The following ARHGAP10 variants were observed in gnomAD, a reference collection of about 807,000 sequenced individuals.
ARHGAP10 encodes Rho GTPase activating protein 10, also known as rho GTPase-activating protein 10.
Under a neutral mutation model 108.6 loss-of-function variants are expected in ARHGAP10, and 87 were observed. The ratio of observed to expected loss-of-function variants is 0.80; its 90% CI spans 0.67 to 0.96. The LOEUF (loss-of-function observed/expected upper bound fraction) is 0.96. Ranked by LOEUF, ARHGAP10 falls within the 40% of genes least tolerant of loss-of-function variation. The pLI, the probability that ARHGAP10 is intolerant of heterozygous loss-of-function variation, is 0.00. For synonymous variants in ARHGAP10, 347 were observed against 341.1 expected, an observed-to-expected ratio of 1.02 and a Z score of -0.19; for missense variants, 939 against 954.5, an observed-to-expected ratio of 0.98 and a Z score of 0.21.
chr4:147,944,976 G>A (rs908582740), intron 14 of ARHGAP10, among the ~76,000 whole-genome samples: 15 of 152,148 alleles, frequency 9.9e-5, no homozygotes, highest in Non-Finnish European at 7.4e-5. Flanking sequence ...TTGCCTTGAT[G>A]CTCTCAATCG....
chr4:147,773,092 T>G (rs13134018), intron 1 of ARHGAP10, among the ~76,000 whole-genome samples: 1 of 152,212 alleles, frequency 6.6e-6, no homozygotes, highest in South Asian at 2.1e-4. Flanking sequence ...AGTTTTTTCT[T>G]TGTTGGTAGA....
In ARHGAP10 at chr4:148,007,981, C is replaced by G. The variant is rs572831944; in HGVS notation, c.1717-15282C>G. On this transcript the variant is annotated intron_variant, in intron 18 of 22. Transcript: ENST00000336498. ...CCTAGCATGTCCCAGTCAATCAGGA[C>G]TGCAGTTGGGTTAGCATCTTCCTCC... Among the ~76,000 whole-genome samples, 3 of 152,314 alleles carry G rather than the reference C, an allele frequency of 2.0e-5. No homozygotes were observed. In the East Asian group the frequency reaches 5.8e-4, roughly 29 times the overall value.
chr4:147,969,324 C>CTTTT lies in ARHGAP10; in HGVS notation c.1716+2503_1716+2506dup, dbSNP rs61078731. On this transcript the variant is annotated intron_variant, in intron 18 of 22. Transcript: ENST00000336498. Reference sequence around the variant, plus strand: ...ATGGATGTGAGAAGTTTTGTTTTGCCTTTTTTTTTTTTTTTTTTTTTGCCA... The same window carrying CTTTT: ...ATGGATGTGAGAAGTTTTGTTTTGCCTTTTTTTTTTTTTTTTTTTTTTTTTGCCA... 8.5e-5 allele frequency among the ~76,000 whole-genome samples: 8 copies of CTTTT among 93,828 alleles called. 1 individual carries two copies. Among genetic ancestry groups the CTTTT allele is most frequent in the Admixed American group, 2.1e-4 (2 of 9,462 alleles). The allele number at this position is 93,828 out of a possible 152,430, so 61.6% of individuals were successfully genotyped here.
At position 147,955,386 on chromosome 4, in the gene ARHGAP10, G is replaced by T; in HGVS notation, c.1450+12G>T. 6.2e-7 allele frequency: 1 copy of T among 1,606,656 alleles called. No homozygotes were observed. Among genetic ancestry groups the T allele is most frequent in the Non-Finnish European group, 8.5e-7 (1 of 1,174,288 alleles). On this transcript the variant is annotated intron_variant, in intron 16 of 22. Coordinates refer to ENST00000336498, the MANE Select transcript of ARHGAP10 (RefSeq NM_024605.4). ...CATTGTTCCAGCCAGTAAGTATTAT[G>T]TAAAGGTATATAGGAACAGTTTTGT...
At chr4:147,747,322 T>C (rs148952950) in intron 1 of ARHGAP10, among the ~76,000 whole-genome samples, 1 of 152,328 alleles carries the variant, frequency 6.6e-6, no homozygotes, top group Non-Finnish European at 1.5e-5. Flanking sequence ...AGAGGAGGAA[T>C]AGAAATTGTA....
intron 21 of ARHGAP10, among the ~76,000 whole-genome samples, chr4:148,063,788 C>A (rs1362939967): frequency 6.6e-6 from 1 of 152,156 alleles, no homozygotes; most frequent in Non-Finnish European, 1.5e-5. Context: ...GAGGCGTTTC[C>A]TTTGGATTTG....
intron 1 of ARHGAP10, among the ~76,000 whole-genome samples, chr4:147,781,390 C>G (rs536625590): frequency 1.3e-5 from 2 of 152,086 alleles, no homozygotes; most frequent in Non-Finnish European, 2.9e-5. Context: ...TTGGGCTGGA[C>G]CTGGCAAGCC....
At position 148,072,227 on chromosome 4, in the gene ARHGAP10, T is replaced by TG. The variant is rs1303827031; in HGVS notation, c.*152dup. 12 of 339,538 alleles carry TG rather than the reference T, an allele frequency of 3.5e-5. No individual in the cohort carries two copies. Among genetic ancestry groups the TG allele is most frequent in the African/African-American group, 2.1e-4 (9 of 43,420 alleles). The allele number at this position is 339,538 out of a possible 1,614,324, so 21.0% of individuals were successfully genotyped here. ...CCATCATCACAGTCAGCCCTGGGGG[T>TG]GGGGGGTGGTGGGCAGGGATGGGAC... On this transcript the variant is annotated 3_prime_UTR_variant, in exon 23 of 23. Coordinates refer to ENST00000336498, the MANE Select transcript of ARHGAP10 (RefSeq NM_024605.4).
chr4:148,024,701 A>G (rs1021028173), intron 19 of ARHGAP10, among the ~76,000 whole-genome samples: 1 of 152,238 alleles, frequency 6.6e-6, no homozygotes, highest in Non-Finnish European at 1.5e-5. Flanking sequence ...TTAGACACTC[A>G]TTTCAACTTC....
At chr4:147,864,661 T>C in intron 5 of ARHGAP10, 185 bp from the exon 6 acceptor site, 1 of 530,502 alleles carries the variant, frequency 1.9e-6, no homozygotes, top group East Asian at 3.3e-5. Context: ...AATTCTGCTG[T>C]TGCAGCAGGA....
chr4:147,981,894 T>A (rs865891092), intron 18 of ARHGAP10, among the ~76,000 whole-genome samples: 2 of 152,240 alleles, frequency 1.3e-5, no homozygotes, highest in African/African-American at 2.4e-5. Context: ...TCTGCTCTTT[T>A]TCGATTCCAT....
intron 9 of ARHGAP10, 64 bp downstream of exon 9, chr4:147,879,402 T>C: frequency 7.4e-7 from 1 of 1,357,656 alleles, no homozygotes. Flanking sequence ...GAGGGTGTCA[T>C]TTTAATGGTT....
chr4:147,837,649 T>TTTTTTTTTTTGTTTTTTTG (rs1560783270), intron 3 of ARHGAP10, among the ~76,000 whole-genome samples: 1 of 132,134 alleles, frequency 7.6e-6, no homozygotes, highest in African/African-American at 2.6e-5. Context: ...CACTGTTTTT[T>TTTTTTTTTTTGTTTTTTTG]TTTTTTTTTT....
At chr4:148,008,490 G>A (rs1578785541) in intron 18 of ARHGAP10, among the ~76,000 whole-genome samples, 2 of 151,244 alleles carry the variant, frequency 1.3e-5, no homozygotes, top group East Asian at 3.9e-4. Context: ...TGGTACTGCT[G>A]GTATGTATCT....
chr4:148,021,292 A>T (rs761689106), intron 18 of ARHGAP10, among the ~76,000 whole-genome samples: 2 of 152,082 alleles, frequency 1.3e-5, no homozygotes, highest in Non-Finnish European at 2.9e-5. Context: ...CAACACCCTC[A>T]CTTCAAACTG....
At chr4:147,804,600 CATTAG>C (rs561937311) in intron 1 of ARHGAP10, among the ~76,000 whole-genome samples, 66 of 152,266 alleles carry the variant, frequency 4.3e-4, no homozygotes, top group Non-Finnish European at 7.9e-4. Context: ...TTTATATTTC[CATTAG>C]CAGTGTATAA....
intron 1 of ARHGAP10, among the ~76,000 whole-genome samples, chr4:147,777,840 C>T (rs1730359494): frequency 6.6e-6 from 1 of 151,944 alleles, no homozygotes; most frequent in Admixed American, 6.5e-5. Context: ...CTTATTGTGC[C>T]ATCAATTTTG....
intron 7 of ARHGAP10, among the ~76,000 whole-genome samples, chr4:147,872,099 CAAAA>C (rs36205660): frequency 1.6e-4 from 11 of 70,012 alleles, no homozygotes; most frequent in Admixed American, 1.5e-4. Flanking sequence ...GAGACTCGGT[CAAAA>C]AAAAAAAAAA....
chr4:147,873,941 C>A (rs914954043), intron 7 of ARHGAP10, among the ~76,000 whole-genome samples: 4 of 151,428 alleles, frequency 2.6e-5, no homozygotes, highest in African/African-American at 9.7e-5. Flanking sequence ...ACCTAGCCGT[C>A]AACAACTGAG....
Sources: gnomAD v4.1 joint callset for allele counts (sites outside exome capture counted in the v4.1 genomes callset) on GRCh38, gnomAD v4.1.1 for gene constraint, MANE v1.5 for transcripts, NCBI Gene and HGNC (gene_info 2026-07-23, HGNC 2026-07-21) for gene names.